STXBP3: variants seen among roughly 807,000 people sequenced by gnomAD.
STXBP3 encodes the protein syntaxin-binding protein 3.
Under a neutral mutation model 85.7 loss-of-function variants are expected in STXBP3, and 41 were observed. That is an observed-to-expected ratio of 0.48 (90% confidence interval 0.37 to 0.62). The LOEUF (loss-of-function observed/expected upper bound fraction) is 0.62, where lower values mean the gene tolerates loss of function less well. STXBP3 is among the 20% of genes least tolerant of loss of function. STXBP3 has a pLI of 0.00. For synonymous variants in STXBP3, 229 were observed against 231.7 expected, an observed-to-expected ratio of 0.99 and a Z score of 0.10; for missense variants, 563 against 703.1, an observed-to-expected ratio of 0.80 and a Z score of 2.25.
chr1:108,767,034 C>T, intron 6 of STXBP3: 1 of 460,234 alleles, frequency 2.2e-6, no homozygotes. Context: ...AACCATCACA[C>T]AGTCCACAGG....
At chr1:108,758,344 A>G (rs1027763825) in intron 4 of STXBP3, among the ~76,000 whole-genome samples, 166 bp from the exon 5 acceptor site, 1 of 151,382 alleles carries the variant, frequency 6.6e-6, no homozygotes, top group African/African-American at 2.4e-5. Context: ...ATTAGCTATC[A>G]CTGGCTGGAG....
At chr1:108,784,698 G>C (rs1230152407) in intron 11 of STXBP3, among the ~76,000 whole-genome samples, 1 of 147,546 alleles carries the variant, frequency 6.8e-6, no homozygotes, top group Non-Finnish European at 1.5e-5. Context: ...CAAGTCCAGA[G>C]TTTCATCTGA....
At chr1:108,803,277 C>T (rs2101138272) in intron 17 of STXBP3, among the ~76,000 whole-genome samples, 1 of 152,258 alleles carries the variant, frequency 6.6e-6, no homozygotes, top group South Asian at 2.1e-4. Flanking sequence ...GGATGTAAAC[C>T]ATGCACCCCT....
In STXBP3 at chr1:108,746,989, C is replaced by A. The variant is rs983471531; in HGVS notation, c.49+203C>A. On this transcript the variant is annotated intron_variant, in intron 1 of 18. Coordinates refer to ENST00000370008, the MANE Select transcript of STXBP3 (RefSeq NM_007269.4). ...CAGGGATGGGCGGGGTGCGACGGGA[C>A]GCGGCCTTCTCGTTGGCGTCGGGCA... Among the ~76,000 whole-genome samples the A allele has an allele frequency of 2.7e-4, 41 of 152,150 alleles. 1 individual carries two copies. The highest frequency in any genetic ancestry group is 2.7e-3 in the Admixed American group (41 of 15,274).
At chr1:108,794,146 T>G (rs1149161) in intron 12 of STXBP3, among the ~76,000 whole-genome samples, 44,903 of 152,124 alleles carry the variant, frequency 0.3, 7,619 homozygotes, top group East Asian at 0.77. Flanking sequence ...GAAAGATAAA[T>G]AGAATATGAA....
chr1:108,792,296 T>C lies in STXBP3; in HGVS notation c.964-1286T>C, dbSNP rs75240368. Among the ~76,000 whole-genome samples the C allele has an allele frequency of 1.1e-3, 168 of 152,338 alleles. No individual in the cohort carries two copies. In the East Asian group the frequency reaches 0.024, roughly 22 times the overall value. Reference sequence around the variant, plus strand: ...TTAACATAAATGTGTTACTTTGAAGTCTTTTTCTGCCAACAACATCTTAGG... The same window carrying C: ...TTAACATAAATGTGTTACTTTGAAGCCTTTTTCTGCCAACAACATCTTAGG... On this transcript the variant is annotated intron_variant, in intron 11 of 18. Coordinates refer to ENST00000370008, the MANE Select transcript of STXBP3 (RefSeq NM_007269.4).
chr1:108,798,222 C>CA lies in STXBP3; in HGVS notation c.1437dup (p.Asp480ArgfsTer8). On this transcript the variant is annotated frameshift_variant, in exon 16 of 19. Transcript: ENST00000370008. LOFTEE classifies it high-confidence loss of function. Reference sequence around the variant, plus strand: ...AGCTCTCTCGGTGGACACCTTTTATCAAAGATATTATGGAGGTAAAAATCA... The same window carrying CA: ...AGCTCTCTCGGTGGACACCTTTTATCAAAAGATATTATGGAGGTAAAAATCA... The CA allele has an allele frequency of 1.2e-6, 2 of 1,609,536 alleles. No homozygotes were observed. Among genetic ancestry groups the CA allele is most frequent in the Non-Finnish European group, 1.7e-6 (2 of 1,178,350 alleles).
intron 3 of STXBP3, among the ~76,000 whole-genome samples, chr1:108,755,625 A>T (rs931884927): frequency 3.9e-5 from 6 of 152,140 alleles, no homozygotes; most frequent in African/African-American, 1.4e-4. Flanking sequence ...CCTGAGCCCT[A>T]AATCATATTT....
chr1:108,748,898 A>G (rs190823273), intron 1 of STXBP3, among the ~76,000 whole-genome samples: 1 of 152,344 alleles, frequency 6.6e-6, no homozygotes, highest in East Asian at 1.9e-4. Flanking sequence ...GAGATTAGGT[A>G]GAAGCCAGTC....
chr1:108,765,839 T>C (rs1481267860), intron 6 of STXBP3, among the ~76,000 whole-genome samples: 2 of 141,974 alleles, frequency 1.4e-5, no homozygotes, highest in African/African-American at 2.6e-5. Flanking sequence ...GAGCCACTGC[T>C]CCCGGCATTT....
intron 17 of STXBP3, among the ~76,000 whole-genome samples, chr1:108,800,667 T>C (rs1193387501): frequency 6.6e-6 from 1 of 152,222 alleles, no homozygotes; most frequent in Non-Finnish European, 1.5e-5. Flanking sequence ...ACTAAATCAT[T>C]ATAATTCAAG....
At chr1:108,806,221 A>G (rs1663328876) in intron 17 of STXBP3, among the ~76,000 whole-genome samples, 1 of 152,190 alleles carries the variant, frequency 6.6e-6, no homozygotes, top group South Asian at 2.1e-4. Flanking sequence ...AACTTTCTGC[A>G]GTGATAGAAA....
At position 108,771,380 on chromosome 1, in the gene STXBP3, A is replaced by C. The variant is rs193091311; in HGVS notation, c.439-1285A>C. On this transcript the variant is annotated intron_variant, in intron 6 of 18. Transcript: ENST00000370008. ...TCTTGATATATATCTATATATATAT[A>C]ATATATAAATATATATGATATATAT... Among the ~76,000 whole-genome samples, 268 of 109,278 alleles carry C rather than the reference A, an allele frequency of 2.5e-3. 3 individuals are homozygous for C. The highest frequency in any genetic ancestry group is 8.0e-3 in the African/African-American group (230 of 28,696). The allele number at this position is 109,278 out of a possible 152,430, so 71.7% of individuals were successfully genotyped here. A position where few individuals can be genotyped will look rare whatever the true frequency, so the allele number is the denominator to read the frequency against.
intron 18 of STXBP3, 67 bp downstream of exon 18, chr1:108,807,616 C>T (rs1428465191): frequency 3.3e-6 from 5 of 1,497,600 alleles, no homozygotes; most frequent in South Asian, 2.5e-5. Context: ...CGGTCTTGTC[C>T]CCCAGGCTGG....
chr1:108,749,285 A>G (rs942150034), intron 1 of STXBP3, among the ~76,000 whole-genome samples: 1 of 152,232 alleles, frequency 6.6e-6, no homozygotes, highest in African/African-American at 2.4e-5. Context: ...AGTCTAGAGT[A>G]GTTTTCAGGG....
Position 108,782,441 on chromosome 1 carries a change from G to C in STXBP3, c.829G>C (p.Glu277Gln). ...DTYKYKTDGK[E>Q]KEAILEEEDD... is the part of the protein sequence containing the mutation. ...TTGTAGATATAAAACAGATGGAAAA[G>C]AAAAGGAGGCCATCCTTGAAGAAGA... Residue 277 changes from glutamate to glutamine, a missense_variant, in exon 10 of 19, where the codon GAA (glutamate) becomes CAA (glutamine). Around this residue, in one of 3 missense-constraint regions of STXBP3, gnomAD observed 494 missense variants for 592.8 expected, o/e 0.83. Coordinates refer to ENST00000370008, the MANE Select transcript of STXBP3 (RefSeq NM_007269.4). 1.9e-6 allele frequency: 3 copies of C among 1,613,170 alleles called. No homozygotes were observed. The highest frequency in any genetic ancestry group is 2.5e-6 in the Non-Finnish European group (3 of 1,179,640).
chr1:108,806,142 A>C (rs866700012), intron 17 of STXBP3, among the ~76,000 whole-genome samples: 1 of 151,288 alleles, frequency 6.6e-6, no homozygotes, highest in African/African-American at 2.4e-5. Context: ...AAAAGCTAAA[A>C]ATTTTTACCA....
At chr1:108,779,490 C>T in intron 9 of STXBP3, 80 bp downstream of exon 9, 1 of 1,390,124 alleles carries the variant, frequency 7.2e-7, no homozygotes. Context: ...ATATAGGCAC[C>T]AGAAATCTGA....
chr1:108,753,241 T>C, intron 3 of STXBP3, 97 bp downstream of exon 3: 1 of 726,674 alleles, frequency 1.4e-6, no homozygotes, highest in Non-Finnish European at 2.1e-6. Flanking sequence ...AAGGAGCTTA[T>C]TTTTTTAAAT....
Sources: gnomAD v4.1 joint callset for allele counts (sites outside exome capture counted in the v4.1 genomes callset) on GRCh38, gnomAD v4.1.1 for gene constraint, gnomAD v4.1.1 regional missense constraint, MANE v1.5 for transcripts, NCBI Gene and HGNC (gene_info 2026-07-23, HGNC 2026-07-21) for gene names.